Variants in RAB10 observed in about 807,000 individuals in gnomAD.
RAB10 encodes ras-related protein Rab-10.
In RAB10, 5 loss-of-function variants were observed where a neutral mutation model predicts 25.7. The observed-to-expected ratio is 0.19, with a 90% CI of 0.10 to 0.41. The LOEUF (loss-of-function observed/expected upper bound fraction) is 0.41, where lower values mean the gene tolerates loss of function less well. RAB10 is among the 10% of genes least tolerant of loss of function. The probability of loss-of-function intolerance (pLI) is 1.00; values close to 1 mark genes in which losing one functional copy is unlikely to be tolerated. For missense variants in RAB10, 103 were observed against 245.8 expected, an observed-to-expected ratio of 0.42 and a Z score of 3.89; for synonymous variants, 89 against 86.4, an observed-to-expected ratio of 1.03 and a Z score of -0.16.
At chr2:26,035,138 T>A (rs560072143) in intron 1 of RAB10, among the ~76,000 whole-genome samples, 1 of 152,308 alleles carries the variant, frequency 6.6e-6, no homozygotes, top group East Asian at 1.9e-4. Context: ...AATTTATACT[T>A]TGGGGCAAAG....
chr2:26,047,373 G>A (rs974186602), intron 1 of RAB10, among the ~76,000 whole-genome samples: 8 of 137,944 alleles, frequency 5.8e-5, no homozygotes, highest in Admixed American at 1.6e-4. Context: ...TAATTCCCTG[G>A]AGATTAATCC....
intron 1 of RAB10, among the ~76,000 whole-genome samples, chr2:26,098,087 CTTTTTCTTTCTTTCTTTCTTTCTTTTT>C (rs1667261923): frequency 8.5e-6 from 1 of 117,436 alleles, no homozygotes; most frequent in Admixed American, 8.3e-5. Flanking sequence ...ACTCTTTCTT[CTTTTTCTTTCTTTCTTTCTTTCTTTTT>C]TTTTTTTTTT....
intron 1 of RAB10, among the ~76,000 whole-genome samples, chr2:26,055,020 CAT>C (rs1428841641): frequency 1.5e-5 from 1 of 65,140 alleles, no homozygotes; most frequent in African/African-American, 6.2e-5. Context: ...TTGAGATGAG[CAT>C]AGTCTTTTTT....
At position 26,124,220 on chromosome 2, in the gene RAB10, A is replaced by G. The variant is rs538085546; in HGVS notation, c.328-2924A>G. On this transcript the variant is annotated intron_variant, in intron 3 of 5. Transcript: ENST00000264710. The stretch of plus-strand genomic sequence containing the variant: ...ATTAAGTGTTTGGGGAGTAAAAGTT[A>G]TACATGGTATACCCTTACCCCCATT... Among the ~76,000 whole-genome samples, 63 of 151,970 alleles carry G rather than the reference A, an allele frequency of 4.1e-4. 2 individuals are homozygous for G. The South Asian group carries it at 0.012, about 30-fold the overall frequency.
chr2:26,118,234 G>A (rs1437099099), intron 3 of RAB10, among the ~76,000 whole-genome samples: 1 of 152,106 alleles, frequency 6.6e-6, no homozygotes, highest in East Asian at 1.9e-4. Flanking sequence ...GCCACCCAAA[G>A]TGCTGGGATT....
chr2:26,068,741 ACT>A (rs1666563098), intron 1 of RAB10, among the ~76,000 whole-genome samples: 1 of 152,110 alleles, frequency 6.6e-6, no homozygotes, highest in Non-Finnish European at 1.5e-5. Context: ...TAATCGCTTA[ACT>A]CTGGTTAACA....
chr2:26,081,789 C>T (rs1427005005), intron 1 of RAB10, among the ~76,000 whole-genome samples: 2 of 152,126 alleles, frequency 1.3e-5, no homozygotes, highest in Non-Finnish European at 2.9e-5. Context: ...ACAATGTAAG[C>T]CGCAAGACAA....
intron 3 of RAB10, among the ~76,000 whole-genome samples, chr2:26,117,877 T>C (rs1004153831): frequency 6.6e-6 from 1 of 152,180 alleles, no homozygotes; most frequent in African/African-American, 2.4e-5. Context: ...TATAGAGATA[T>C]TTAGAGAAAC....
chr2:26,114,737 C>CAAAAAAAAAAAAAAAAAA (rs58252306), intron 3 of RAB10, among the ~76,000 whole-genome samples: 6 of 66,074 alleles, frequency 9.1e-5, no homozygotes, highest in African/African-American at 3.3e-4. Context: ...CAAAAATATA[C>CAAAAAAAAAAAAAAAAAA]AAAAAAAAAA....
intron 2 of RAB10, 146 bp downstream of exon 2, chr2:26,098,868 C>T (rs1667283145): frequency 3.2e-6 from 2 of 633,788 alleles, no homozygotes; most frequent in South Asian, 2.0e-5. Context: ...GCAGTAAAAA[C>T]CATTGCATGG....
At chr2:26,119,476 T>C (rs994068396) in intron 3 of RAB10, among the ~76,000 whole-genome samples, 9 of 152,256 alleles carry the variant, frequency 5.9e-5, no homozygotes, top group Middle Eastern at 3.4e-3. Flanking sequence ...TTTTTGTGTT[T>C]TGTTATTCAA....
chr2:26,090,282 T>G (rs1667074205), intron 1 of RAB10, among the ~76,000 whole-genome samples: 1 of 152,204 alleles, frequency 6.6e-6, no homozygotes, highest in Non-Finnish European at 1.5e-5. Flanking sequence ...AAAGATACTG[T>G]CATTTTGTCT....
chr2:26,084,475 T>G (rs1666935782), intron 1 of RAB10, among the ~76,000 whole-genome samples: 2 of 152,216 alleles, frequency 1.3e-5, no homozygotes, highest in African/African-American at 2.4e-5. Flanking sequence ...TTGGGTCATA[T>G]GTGCTTTTCC....
At chr2:26,118,301 A>C (rs1050772389) in intron 3 of RAB10, among the ~76,000 whole-genome samples, 6 of 151,370 alleles carry the variant, frequency 4.0e-5, no homozygotes, top group African/African-American at 1.5e-4. Context: ...CAATTTTTAC[A>C]AAGTAACGTC....
In RAB10 at chr2:26,124,389, CTTTTTTTTTTTTTTTTTTT is replaced by C. The variant is rs10669615; in HGVS notation, c.328-2745_328-2727del. 5.6e-4 allele frequency among the ~76,000 whole-genome samples: 11 copies of C among 19,666 alleles called. 1 individual carries two copies. In the Admixed American group the frequency reaches 0.012, roughly 21 times the overall value. The allele number at this position is 19,666 out of a possible 152,430, so 12.9% of individuals were successfully genotyped here. A position where few individuals can be genotyped will look rare whatever the true frequency, so the allele number is the denominator to read the frequency against. ...GTTGTTTTTCTTATTGTTGTTGTTG[CTTTTTTTTTTTTTTTTTTT>C]TTTTTTTTTGAGACAGGTTCTTGCT... On this transcript the variant is annotated intron_variant, in intron 3 of 5. Coordinates refer to ENST00000264710, the MANE Select transcript of RAB10 (RefSeq NM_016131.5).
chr2:26,086,518 A>G (rs772530404), intron 1 of RAB10, among the ~76,000 whole-genome samples: 4 of 152,238 alleles, frequency 2.6e-5, no homozygotes, highest in African/African-American at 4.8e-5. Flanking sequence ...TGAATGTAAA[A>G]TGGTACAGCC....
At chr2:26,049,991 G>A (rs1666099180) in intron 1 of RAB10, among the ~76,000 whole-genome samples, 1 of 152,104 alleles carries the variant, frequency 6.6e-6, no homozygotes, top group South Asian at 2.1e-4. Context: ...TACTTTCTCT[G>A]TCCTGCTTCA....
intron 5 of RAB10, among the ~76,000 whole-genome samples, chr2:26,129,930 A>T (rs746166136): frequency 6.6e-6 from 1 of 152,202 alleles, no homozygotes; most frequent in Non-Finnish European, 1.5e-5. Flanking sequence ...AAGTGATCTC[A>T]TTTTTCAAGA....
At chr2:26,086,713 G>A (rs905274176) in intron 1 of RAB10, among the ~76,000 whole-genome samples, 1 of 152,190 alleles carries the variant, frequency 6.6e-6, no homozygotes, top group African/African-American at 2.4e-5. Context: ...AAGCCAAAAG[G>A]TGGAAACAAT....
Sources: gnomAD v4.1 joint callset for allele counts (sites outside exome capture counted in the v4.1 genomes callset) on GRCh38, gnomAD v4.1.1 for gene constraint, MANE v1.5 for transcripts, NCBI Gene and HGNC (gene_info 2026-07-23, HGNC 2026-07-21) for gene names.